MYO9B: variants seen among roughly 807,000 people sequenced by gnomAD.
MYO9B encodes unconventional myosin-IXb.
Under a neutral mutation model 229.5 loss-of-function variants are expected in MYO9B, and 71 were observed. The ratio of observed to expected loss-of-function variants is 0.31; its 90% CI spans 0.26 to 0.38. The LOEUF is 0.38. Among genes scored for constraint, MYO9B ranks in the 10% least tolerant of loss-of-function variants. MYO9B has a pLI of 1.00. For missense variants in MYO9B, 2,255 were observed against 2,920.5 expected, an observed-to-expected ratio of 0.77 and a Z score of 5.25; for synonymous variants, 1,185 against 1,235.8, an observed-to-expected ratio of 0.96 and a Z score of 0.86.
chr19:17,121,444 A>AATATATATATATATAT lies in MYO9B; in HGVS notation c.840+18892_840+18907dup, dbSNP rs59741893. Among the ~76,000 whole-genome samples the AATATATATATATATAT allele has an allele frequency of 6.9e-3, 987 of 142,528 alleles. 20 individuals carry two copies. The highest frequency in any genetic ancestry group is 0.023 in the African/African-American group (875 of 38,212). 93.5% of individuals were successfully genotyped at this position (142,528 alleles called of 152,430 possible). A position where few individuals can be genotyped will look rare whatever the true frequency, so the allele number is the denominator to read the frequency against. ...ACACTTACAGCAGATATGTATTCCAAATATATATATATATATATATCCAAG... is the reference window on the plus strand; with the variant it reads ...ACACTTACAGCAGATATGTATTCCAAATATATATATATATATATATATATATATATATATATCCAAG... On this transcript the variant is annotated intron_variant, in intron 2 of 39. Transcript: ENST00000682292.
intron 15 of MYO9B, among the ~76,000 whole-genome samples, chr19:17,181,549 T>C (rs1320148346): frequency 6.6e-6 from 1 of 152,206 alleles, no homozygotes. Context: ...TAGTCTCTGC[T>C]TTCAGCCTGC....
At chr19:17,166,636 G>A (rs1217507383) in intron 10 of MYO9B, among the ~76,000 whole-genome samples, 1 of 151,726 alleles carries the variant, frequency 6.6e-6, no homozygotes, top group Admixed American at 6.6e-5. Flanking sequence ...TATTTTTCCT[G>A]ATCCGCTCAC....
rs748873930 is a variant in MYO9B at position 17,211,785 on chromosome 19, A to G, written c.6058+11A>G. ...GGGGGGCCTCGGAAGGTCAGTATTAAGGTAGCGTCTGCTTTTCTCCTTCCC... is the reference window on the plus strand; with the variant it reads ...GGGGGGCCTCGGAAGGTCAGTATTAGGGTAGCGTCTGCTTTTCTCCTTCCC... On this transcript the variant is annotated intron_variant, in intron 39 of 39. Coordinates refer to ENST00000682292, the MANE Select transcript of MYO9B (RefSeq NM_004145.4). 7 of 1,612,818 alleles carry G rather than the reference A, an allele frequency of 4.3e-6. No individual in the cohort carries two copies. In the Admixed American group the frequency reaches 1.2e-4, roughly 27 times the overall value.
intron 11 of MYO9B, 39 bp downstream of exon 11, chr19:17,168,103 C>T: frequency 1.2e-6 from 2 of 1,606,886 alleles, no homozygotes; most frequent in Non-Finnish European, 1.7e-6. Context: ...CACATCTACG[C>T]ATGGGCACTG....
At position 17,163,066 on chromosome 19, in the gene MYO9B, T is replaced by C. The variant is rs1064307; in HGVS notation, c.1615T>C (p.Tyr539His). 1 of 1,590,616 alleles carries C rather than the reference T, an allele frequency of 6.3e-7. No homozygotes were observed. The highest frequency in any genetic ancestry group is 8.6e-7 in the Non-Finnish European group (1 of 1,168,098). ...CAGCTTTGAGCAGTTCTGCATCAACTACGCCAATGAGCAGCTGCAGTATTA... is the reference window on the plus strand; with the variant it reads ...CAGCTTTGAGCAGTTCTGCATCAACCACGCCAATGAGCAGCTGCAGTATTA... Reference protein sequence around the residue: ...RNSFEQFCINYANEQLQYYFN... With the variant: ...RNSFEQFCINHANEQLQYYFN... The change falls in exon 10 of 40, where the codon TAC becomes CAC. Residue 539 changes from tyrosine to histidine, a missense_variant. This residue lies in a region of MYO9B where 220 missense variants were observed against 404.5 expected (regional missense o/e 0.54). Transcript: ENST00000682292.
At chr19:17,113,683 C>T (rs1196105620) in intron 2 of MYO9B, among the ~76,000 whole-genome samples, 1 of 152,128 alleles carries the variant, frequency 6.6e-6, no homozygotes, top group Non-Finnish European at 1.5e-5. Flanking sequence ...AAGATAGAAT[C>T]AATCTCTGGC....
At chr19:17,190,232 C>T (rs1040343157) in intron 19 of MYO9B, among the ~76,000 whole-genome samples, 5 of 151,868 alleles carry the variant, frequency 3.3e-5, no homozygotes, top group African/African-American at 7.2e-5. Flanking sequence ...CTTGCTCTGT[C>T]GCCCAGGCTG....
intron 37 of MYO9B, 63 bp downstream of exon 37, chr19:17,210,443 C>A: frequency 1.3e-6 from 2 of 1,489,636 alleles, no homozygotes; most frequent in East Asian, 2.4e-5. Context: ...CTGGGGTTCC[C>A]TGGGGCCCTG....
chr19:17,210,860 A>G lies in MYO9B; in HGVS notation c.5930+12A>G, dbSNP rs12463169. ...ATCAAGGAGGAGAAGCAAGTGGCTC[A>G]GTCCCCTCCCTCAGTCCTTCATGTT... On this transcript the variant is annotated intron_variant, in intron 38 of 39. Coordinates refer to ENST00000682292, the MANE Select transcript of MYO9B (RefSeq NM_004145.4). The G allele has an allele frequency of 0.45, 710,920 of 1,586,850 alleles. 167,883 individuals carry two copies. The highest frequency in any genetic ancestry group is 0.75 in the East Asian group (32,555 of 43,240).
rs759133959 is a variant in MYO9B at position 17,165,469 on chromosome 19, G to A, written c.1671+2347G>A. On this transcript the variant is annotated intron_variant, in intron 10 of 39. Transcript: ENST00000682292. ...TCATGCTAACAATACCAGTGGTTTG[G>A]GAAGCCAAGGTAAGAGGATTGCTTT... 6.3e-4 allele frequency among the ~76,000 whole-genome samples: 95 copies of A among 151,954 alleles called. 1 individual carries two copies. Among genetic ancestry groups the A allele is most frequent in the Non-Finnish European group, 1.8e-4 (12 of 67,992 alleles).
At chr19:17,118,310 C>T (rs866407125) in intron 2 of MYO9B, among the ~76,000 whole-genome samples, 1 of 151,774 alleles carries the variant, frequency 6.6e-6, no homozygotes, top group Admixed American at 6.6e-5. Flanking sequence ...GAAGCCACCA[C>T]CTAGATGGAG....
chr19:17,164,232 G>C (rs1352148252), intron 10 of MYO9B, among the ~76,000 whole-genome samples: 2 of 152,152 alleles, frequency 1.3e-5, no homozygotes, highest in Non-Finnish European at 2.9e-5. Context: ...AACCCACCCA[G>C]CCCAGGATGA....
At chr19:17,164,282 G>A (rs1471571940) in intron 10 of MYO9B, among the ~76,000 whole-genome samples, 1 of 152,184 alleles carries the variant, frequency 6.6e-6, no homozygotes, top group Non-Finnish European at 1.5e-5. Context: ...GTTCATGTGG[G>A]GGCTTCTGTG....
intron 22 of MYO9B, among the ~76,000 whole-genome samples, chr19:17,196,493 G>C (rs1198503245): frequency 6.6e-6 from 1 of 152,074 alleles, no homozygotes; most frequent in African/African-American, 2.4e-5. Flanking sequence ...GACCAGCCTG[G>C]CCAACATAGT....
intron 2 of MYO9B, among the ~76,000 whole-genome samples, chr19:17,125,680 G>A (rs991787507): frequency 2.6e-4 from 39 of 152,112 alleles, no homozygotes; most frequent in African/African-American, 8.7e-4. Context: ...CTGACAGTTG[G>A]TGTCTCTTGT....
chr19:17,208,370 C>T (rs1264892579), intron 35 of MYO9B, among the ~76,000 whole-genome samples: 2 of 138,378 alleles, frequency 1.4e-5, no homozygotes, highest in Admixed American at 7.6e-5. Context: ...ATGGCAGTGG[C>T]CCCAGCAGTT....
intron 2 of MYO9B, among the ~76,000 whole-genome samples, chr19:17,109,030 A>T (rs925912835): frequency 3.0e-5 from 4 of 135,486 alleles, no homozygotes; most frequent in Admixed American, 1.5e-4. Flanking sequence ...TCTTTTTTTT[A>T]ATTTTATTTA....
chr19:17,163,786 C>T (rs2072630611), intron 10 of MYO9B, among the ~76,000 whole-genome samples: 1 of 152,170 alleles, frequency 6.6e-6, no homozygotes, highest in African/African-American at 2.4e-5. Context: ...ATGGTTCATC[C>T]ACATAGTAGC....
intron 15 of MYO9B, among the ~76,000 whole-genome samples, chr19:17,182,567 C>CT (rs2072873552): frequency 6.6e-6 from 1 of 151,800 alleles, no homozygotes; most frequent in Admixed American, 6.6e-5. Context: ...CCACACCCGA[C>CT]TAATTTTTTT....
Sources: allele counts gnomAD v4.1 joint callset (sites outside exome capture counted in the v4.1 genomes callset), GRCh38; gene constraint gnomAD v4.1.1; regional missense constraint gnomAD v4.1.1; transcripts MANE v1.5; gene names NCBI Gene and HGNC (gene_info 2026-07-23, HGNC 2026-07-21).